LMAN1: variants seen among roughly 807,000 people sequenced by gnomAD.
LMAN1 encodes the protein lectin, mannose binding 1, also known as protein ERGIC-53.
LMAN1 carries 32 observed loss-of-function variants against 67.8 expected under a neutral mutation model. That is an observed-to-expected ratio of 0.47 (90% CI 0.36 to 0.63). The LOEUF (loss-of-function observed/expected upper bound fraction) is 0.63. Among genes scored for constraint, LMAN1 ranks in the 30% least tolerant of loss-of-function variants. The probability of loss-of-function intolerance (pLI) is 0.00; values close to 1 mark genes in which losing one functional copy is unlikely to be tolerated. For missense variants in LMAN1, 632 were observed against 628.2 expected (o/e 1.01, Z -0.06); for synonymous variants, 235 against 219.3 (o/e 1.07, Z -0.63).
intron 8 of LMAN1, among the ~76,000 whole-genome samples, chr18:59,340,830 T>C (rs1163804238): frequency 6.6e-6 from 1 of 152,056 alleles, no homozygotes; most frequent in African/African-American, 2.4e-5. Context: ...TAAGACAACT[T>C]GAAAATAATG....
At chr18:59,347,592 AGTCT>A in intron 6 of LMAN1, 21 bp from the exon 7 acceptor site, 1 of 1,476,760 alleles carries the variant, frequency 6.8e-7, no homozygotes, top group Non-Finnish European at 9.4e-7. Flanking sequence ...AAAAAAAAAA[AGTCT>A]GAAAAAGTTC....
Position 59,330,850 on chromosome 18 carries a change from C to T in LMAN1, c.*243G>A. On this transcript the variant is annotated 3_prime_UTR_variant, in exon 13 of 13. Coordinates refer to ENST00000251047, the MANE Select transcript of LMAN1 (RefSeq NM_005570.4). ...TACCCTCTTACTGGTCAATATTCTG[C>T]TCAGAGGCTGCATCATACTGACCAG... is the stretch of plus-strand genomic sequence containing the variant. 1 of 510,622 alleles carries T rather than the reference C, an allele frequency of 2.0e-6. No homozygotes were observed. Among genetic ancestry groups the T allele is most frequent in the South Asian group, 2.6e-5 (1 of 38,044 alleles). 31.6% of individuals were successfully genotyped at this position (510,622 alleles called of 1,614,324 possible).
chr18:59,359,010 C>G, intron 1 of LMAN1, 21 bp downstream of exon 1: 1 of 1,611,192 alleles, frequency 6.2e-7, no homozygotes, highest in Non-Finnish European at 8.5e-7. Flanking sequence ...ACCCGGCCCC[C>G]AGCCCTCTGC....
At chr18:59,352,143 T>A (rs1908556864) in intron 5 of LMAN1, among the ~76,000 whole-genome samples, 1 of 152,228 alleles carries the variant, frequency 6.6e-6, no homozygotes, top group Admixed American at 6.5e-5. Context: ...GCCAGTTAGA[T>A]ATCTCCACCT....
intron 8 of LMAN1, among the ~76,000 whole-genome samples, chr18:59,340,640 C>T (rs192383240): frequency 1.7e-4 from 26 of 152,144 alleles, no homozygotes; most frequent in African/African-American, 5.5e-4. Context: ...ATGCTCAAAG[C>T]GGTCTTAAAC....
Position 59,349,207 on chromosome 18 carries a change from A to G in LMAN1, c.669T>C (p.Asp223=). Residue 223 remains aspartate, a synonymous_variant, in exon 6 of 13, where the codon GAT becomes GAC. Coordinates refer to ENST00000251047, the MANE Select transcript of LMAN1 (RefSeq NM_005570.4). ...TGGCACAAAATTCATAATCATTTTT[A>G]TCTGGTGTAAAGCCATTATTGATCA... ...TVMINNGFTP[D]KNDYEFCAKV... is the part of the protein sequence containing the mutation. The G allele has an allele frequency of 6.2e-7, 1 of 1,613,542 alleles. No homozygotes were observed. Among genetic ancestry groups the G allele is most frequent in the Non-Finnish European group, 8.5e-7 (1 of 1,179,492 alleles).
In LMAN1 at chr18:59,347,505, A is replaced by G; in HGVS notation, c.822+8T>C. 1.2e-6 allele frequency: 2 copies of G among 1,605,320 alleles called. No individual in the cohort carries two copies. The highest frequency in any genetic ancestry group is 1.3e-5 in the African/African-American group (1 of 74,828). On this transcript the variant is annotated splice_region_variant and intron_variant, in intron 7 of 12. Transcript: ENST00000251047. ...TGATAAAGTTTTTGAAAATATGTGT[A>G]AAATTACCGGCTCTTTTCCAGGTTC...
At position 59,359,158 on chromosome 18, in the gene LMAN1, C is replaced by T. The variant is rs1908738113; in HGVS notation, c.87G>A (p.Arg29=). ...CGGGGTCTCCTCCCACGCCGTCGCC[C>T]CGGACGAAGCGACCGAGTGACAGCA... ...ALLLSLGRFV[R]GDGVGGDPAV... The change falls in exon 1 of 13, where the codon CGG becomes CGA. Residue 29 remains arginine (R), a synonymous_variant. Transcript: ENST00000251047. 2 of 1,614,066 alleles carry T rather than the reference C, an allele frequency of 1.2e-6. No homozygotes were observed. The highest frequency in any genetic ancestry group is 2.2e-5 in the East Asian group (1 of 44,864).
intron 5 of LMAN1, among the ~76,000 whole-genome samples, chr18:59,350,035 T>C (rs41371746): frequency 1.8e-3 from 275 of 152,258 alleles, no homozygotes; most frequent in African/African-American, 6.5e-3. Context: ...ACTTGAGTCA[T>C]TACTTCTAGA....
At chr18:59,337,720 T>G (rs559232412) in intron 10 of LMAN1, among the ~76,000 whole-genome samples, 1 of 152,232 alleles carries the variant, frequency 6.6e-6, no homozygotes, top group Non-Finnish European at 1.5e-5. Flanking sequence ...GTTCAGATTA[T>G]GAAGATTTTT....
chr18:59,334,552 A>G (rs1248830340), intron 10 of LMAN1, among the ~76,000 whole-genome samples: 2 of 152,218 alleles, frequency 1.3e-5, no homozygotes, highest in Non-Finnish European at 2.9e-5. Flanking sequence ...GGCTGGACAG[A>G]ACGCTTGAAA....
In LMAN1 at chr18:59,330,174, A is replaced by T. The variant is rs2070738833; in HGVS notation, c.*919T>A. 1.3e-5 allele frequency: 2 copies of T among 152,656 alleles called. No individual in the cohort carries two copies. Among genetic ancestry groups the T allele is most frequent in the African/African-American group, 4.8e-5 (2 of 41,478 alleles). 9.5% of individuals were successfully genotyped at this position (152,656 alleles called of 1,614,324 possible). A position where few individuals can be genotyped will look rare whatever the true frequency, so the allele number is the denominator to read the frequency against. On this transcript the variant is annotated 3_prime_UTR_variant, in exon 13 of 13. Transcript: ENST00000251047. ...CAAATGGTCACTAACCCCAGCCAGC[A>T]TGAAGTAACTAATGTAAACCAGAAT...
chr18:59,356,451 T>G (rs1908662258), intron 1 of LMAN1, among the ~76,000 whole-genome samples: 2 of 152,218 alleles, frequency 1.3e-5, no homozygotes, highest in Admixed American at 6.5e-5. Flanking sequence ...GTTAGCTATT[T>G]CTCCTATTAT....
chr18:59,351,568 G>A (rs1908543929), intron 5 of LMAN1: 1 of 152,252 alleles, frequency 6.6e-6, no homozygotes, highest in South Asian at 2.1e-4. Flanking sequence ...GGAAATGTGA[G>A]GTCTAATAAA....
chr18:59,352,979 G>A (rs1908578292), intron 5 of LMAN1: 1 of 501,992 alleles, frequency 2.0e-6, no homozygotes, highest in Non-Finnish European at 3.7e-6. Flanking sequence ...ATACAGTAGG[G>A]GGCTTAAACA....
chr18:59,331,017 C>A lies in LMAN1; in HGVS notation c.*76G>T. The A allele has an allele frequency of 1.1e-6, 1 of 928,914 alleles. No individual in the cohort carries two copies. The highest frequency in any genetic ancestry group is 1.5e-5 in the South Asian group (1 of 68,876). The allele number at this position is 928,914 out of a possible 1,614,324, so 57.5% of individuals were successfully genotyped here. A position where few individuals can be genotyped will look rare whatever the true frequency, so the allele number is the denominator to read the frequency against. ...AAAATTAATAATTTAGACTATGAAG[C>A]AATTTAAATACTTAAATTCCCTCAA... On this transcript the variant is annotated 3_prime_UTR_variant, in exon 13 of 13. Coordinates refer to ENST00000251047, the MANE Select transcript of LMAN1 (RefSeq NM_005570.4).
Position 59,359,036 on chromosome 18 carries a change from G to A in LMAN1, c.209C>T (p.Ala70Val). 1.2e-6 allele frequency: 2 copies of A among 1,613,870 alleles called. No individual in the cohort carries two copies. Among genetic ancestry groups the A allele is most frequent in the South Asian group, 1.1e-5 (1 of 91,084 alleles). Residue 70 changes from alanine (A) to valine (V), a missense_variant, in exon 1 of 13, where the codon GCG becomes GTG. Coordinates refer to ENST00000251047, the MANE Select transcript of LMAN1 (RefSeq NM_005570.4). ...AGCCCTCTGCTCCGGCTTACTCCCC[G>A]CGTGGGCCCAGAAGGGCACGGTCCC... ...SDGTVPFWAH[A>V]GNAIPSSDQI...
At position 59,354,571 on chromosome 18, in the gene LMAN1, G is replaced by T. The variant is rs772509644; in HGVS notation, c.487C>A (p.Pro163Thr). Residue 163 changes from proline (P) to threonine (T), a missense_variant, in exon 4 of 13, where the codon CCT becomes ACT. Pro to Thr is a conservative substitution (Grantham distance 38). Coordinates refer to ENST00000251047, the MANE Select transcript of LMAN1 (RefSeq NM_005570.4). ...TTGTTGCCTATAATTACTATAGCAG[G>T]ATTATTTTTCTAAAAAAAAGGAAAA... ...SFDNDGKKNN[P>T]AIVIIGNNGQ... The T allele has an allele frequency of 2.8e-6, 4 of 1,454,162 alleles. No individual in the cohort carries two copies. The highest frequency in any genetic ancestry group is 3.9e-6 in the Non-Finnish European group (4 of 1,038,556). 90.1% of individuals were successfully genotyped at this position (1,454,162 alleles called of 1,614,324 possible).
At chr18:59,358,185 T>G (rs1908705239) in intron 1 of LMAN1, among the ~76,000 whole-genome samples, 2 of 152,168 alleles carry the variant, frequency 1.3e-5, no homozygotes, top group Admixed American at 1.3e-4. Flanking sequence ...CGTAAGTAAA[T>G]GCTCTAGCAA....
Sources: allele counts gnomAD v4.1 joint callset (sites outside exome capture counted in the v4.1 genomes callset), GRCh38; gene constraint gnomAD v4.1.1; transcripts MANE v1.5; gene names NCBI Gene and HGNC (gene_info 2026-07-23, HGNC 2026-07-21).